The following HYCC1 variants were observed in gnomAD, a reference collection of about 807,000 sequenced individuals.
The protein encoded by HYCC1 is hyccin PI4KA lipid kinase complex subunit 1, also known as hyccin.
the HYCC1 span, among the ~76,000 whole-genome samples, chr7:22,969,112 G>C: frequency 1.3e-5 from 2 of 152,144 alleles, no homozygotes; most frequent in Admixed American, 6.5e-5. Context: ...TGATGAGATG[G>C]GAGGGAATAT....
the HYCC1 span, chr7:22,947,086 T>G: frequency 6.4e-7 from 1 of 1,550,522 alleles, no homozygotes; most frequent in Non-Finnish European, 8.7e-7. Context: ...CTAGGATCTG[T>G]GGCTGTTTCC....
chr7:22,947,484 C>T, the HYCC1 span, among the ~76,000 whole-genome samples: 28 of 152,122 alleles, frequency 1.8e-4, no homozygotes, highest in African/African-American at 6.0e-4. Context: ...AATTCACGTT[C>T]TGCATTTTTT....
the HYCC1 span, among the ~76,000 whole-genome samples, chr7:22,918,019 C>G: frequency 6.6e-6 from 1 of 152,078 alleles, no homozygotes; most frequent in Non-Finnish European, 1.5e-5. Flanking sequence ...ATTGCTGAGG[C>G]CTCAACTTAC....
At chr7:22,939,299 G>A in the HYCC1 span, 1 of 152,016 alleles carries the variant, frequency 6.6e-6, no homozygotes. Context: ...TGTTTCAGAG[G>A]GTATGAGATA....
chr7:22,933,351 G>C, the HYCC1 span, among the ~76,000 whole-genome samples: 2 of 152,056 alleles, frequency 1.3e-5, no homozygotes, highest in African/African-American at 4.8e-5. Flanking sequence ...TTTGGGGTTA[G>C]GTGCATGCAT....
chr7:22,996,629 T>C, the HYCC1 span, among the ~76,000 whole-genome samples: 6 of 119,600 alleles, frequency 5.0e-5, no homozygotes, highest in East Asian at 1.4e-3. Context: ...AAAAAATTCT[T>C]TCCATTAGCC....
the HYCC1 span, among the ~76,000 whole-genome samples, chr7:22,906,453 G>A: frequency 6.6e-6 from 1 of 151,824 alleles, no homozygotes; most frequent in Non-Finnish European, 1.5e-5. Context: ...TAGCGTGTGT[G>A]TGTAATCCCA....
chr7:22,972,282 A>T, the HYCC1 span, among the ~76,000 whole-genome samples: 1 of 152,198 alleles, frequency 6.6e-6, no homozygotes, highest in Non-Finnish European at 1.5e-5. Context: ...ATTGACAGAA[A>T]ACAATCTGTT....
At chr7:23,010,332 C>T in the HYCC1 span, among the ~76,000 whole-genome samples, 1 of 152,108 alleles carries the variant, frequency 6.6e-6, no homozygotes, top group Non-Finnish European at 1.5e-5. Context: ...AGAATCTCTT[C>T]CTACTTGTCT....
At chr7:22,987,318 C>A in the HYCC1 span, among the ~76,000 whole-genome samples, 7 of 152,198 alleles carry the variant, frequency 4.6e-5, no homozygotes, top group Non-Finnish European at 1.0e-4. Flanking sequence ...GAGGCCAAGG[C>A]AAGCGGATAA....
the HYCC1 span, among the ~76,000 whole-genome samples, chr7:23,001,526 T>C: frequency 6.6e-6 from 1 of 152,190 alleles, no homozygotes; most frequent in South Asian, 2.1e-4. Context: ...ATTTTCATTT[T>C]AAAATAAATT....
At chr7:22,995,957 C>T in the HYCC1 span, among the ~76,000 whole-genome samples, 1 of 151,996 alleles carries the variant, frequency 6.6e-6, no homozygotes, top group East Asian at 1.9e-4. Context: ...CGTGCCTGGC[C>T]CCTGGTAAGT....
the HYCC1 span, among the ~76,000 whole-genome samples, chr7:22,909,569 A>T: frequency 6.6e-6 from 1 of 152,196 alleles, no homozygotes; most frequent in Non-Finnish European, 1.5e-5. Flanking sequence ...CATAAGCGTG[A>T]CTGCTTCTAG....
At chr7:22,907,180 C>T in the HYCC1 span, among the ~76,000 whole-genome samples, 3 of 148,474 alleles carry the variant, frequency 2.0e-5, no homozygotes, top group Non-Finnish European at 4.5e-5. Context: ...CAGGCTGGTT[C>T]GGGCCTTCAC....
chr7:22,902,227 A>G, the HYCC1 span, among the ~76,000 whole-genome samples: 1 of 152,158 alleles, frequency 6.6e-6, no homozygotes, highest in East Asian at 1.9e-4. Context: ...TATGTTAAAC[A>G]CAATGACAAA....
chr7:22,988,176 T>C, the HYCC1 span, among the ~76,000 whole-genome samples: 1 of 152,168 alleles, frequency 6.6e-6, no homozygotes, highest in Admixed American at 6.5e-5. Flanking sequence ...CAGGAATGCC[T>C]ACCAAATTAA....
the HYCC1 span, among the ~76,000 whole-genome samples, chr7:22,982,313 A>G: frequency 1.3e-5 from 2 of 152,226 alleles, no homozygotes; most frequent in African/African-American, 4.8e-5. Flanking sequence ...TCTTCAATTC[A>G]GTTATTCCAG....
At chr7:23,010,098 A>C in the HYCC1 span, among the ~76,000 whole-genome samples, 2 of 152,162 alleles carry the variant, frequency 1.3e-5, no homozygotes, top group East Asian at 3.9e-4. Flanking sequence ...GATGCTCTCT[A>C]ATTTTTTAAA....
At chr7:23,006,571 T>A in the HYCC1 span, among the ~76,000 whole-genome samples, 2 of 152,198 alleles carry the variant, frequency 1.3e-5, no homozygotes, top group Non-Finnish European at 2.9e-5. Context: ...CCGGCCAATT[T>A]AAGCACTTTT....
Sources: allele counts gnomAD v4.1 joint callset (sites outside exome capture counted in the v4.1 genomes callset), GRCh38; gene constraint gnomAD v4.1.1; transcripts MANE v1.5; gene names NCBI Gene and HGNC (gene_info 2026-07-23, HGNC 2026-07-21).